Variants in KCNH1 observed in about 807,000 individuals in gnomAD.
KCNH1 encodes potassium voltage-gated channel subfamily H member 1, also known as voltage-gated delayed rectifier potassium channel KCNH1.
KCNH1 carries 27 observed loss-of-function variants against 69.2 expected under a neutral mutation model. The ratio of observed to expected loss-of-function variants is 0.39; its 90% CI spans 0.29 to 0.54. KCNH1 has a LOEUF of 0.54. KCNH1 is among the 20% of genes least tolerant of loss of function. KCNH1 has a pLI of 0.68. For synonymous variants in KCNH1, 456 were observed against 487.7 expected, an observed-to-expected ratio of 0.93 and a Z score of 0.86; for missense variants, 798 against 1,261.6, an observed-to-expected ratio of 0.63 and a Z score of 5.57.
At chr1:210,735,726 G>A (rs891143255) in intron 10 of KCNH1, among the ~76,000 whole-genome samples, 1 of 151,718 alleles carries the variant, frequency 6.6e-6, no homozygotes, top group African/African-American at 2.4e-5. Flanking sequence ...CCCCACAGTT[G>A]AGTGCACAGG....
chr1:211,032,127 A>G (rs1007156961), intron 5 of KCNH1, among the ~76,000 whole-genome samples: 7 of 152,204 alleles, frequency 4.6e-5, no homozygotes, highest in African/African-American at 1.7e-4. Flanking sequence ...ACAGACAAAC[A>G]GAGAGCCAAA....
chr1:210,871,136 C>A (rs1361714536), intron 7 of KCNH1, among the ~76,000 whole-genome samples: 1 of 152,080 alleles, frequency 6.6e-6, no homozygotes, highest in African/African-American at 2.4e-5. Context: ...GGGAGAAAAT[C>A]TTCACAACCT....
chr1:210,984,460 T>C (rs1037835979), intron 6 of KCNH1, among the ~76,000 whole-genome samples: 1 of 152,210 alleles, frequency 6.6e-6, no homozygotes, highest in African/African-American at 2.4e-5. Context: ...CAATACCTAA[T>C]TTATTGAGAG....
intron 9 of KCNH1, among the ~76,000 whole-genome samples, chr1:210,777,213 T>C (rs746909695): frequency 3.9e-5 from 6 of 152,144 alleles, no homozygotes; most frequent in Non-Finnish European, 8.8e-5. Context: ...TGACTTTACC[T>C]CAAACATCAA....
At chr1:210,859,122 G>A (rs911574652) in intron 7 of KCNH1, 6 of 1,077,640 alleles carry the variant, frequency 5.6e-6, no homozygotes, top group Admixed American at 1.7e-5. Context: ...CCACTACTAG[G>A]AGGAACACAA....
intron 5 of KCNH1, among the ~76,000 whole-genome samples, chr1:211,082,506 C>G (rs1256877359): frequency 6.6e-6 from 1 of 152,146 alleles, no homozygotes; most frequent in Non-Finnish European, 1.5e-5. Flanking sequence ...TGAAGCACTT[C>G]TAGCTCCTCA....
intron 9 of KCNH1, among the ~76,000 whole-genome samples, chr1:210,784,057 C>G (rs999340594): frequency 6.6e-6 from 1 of 152,190 alleles, no homozygotes; most frequent in African/African-American, 2.4e-5. Flanking sequence ...TAATATCACT[C>G]ACTTTCCAGC....
chr1:210,911,440 T>C (rs1687229010), intron 7 of KCNH1, among the ~76,000 whole-genome samples: 2 of 152,124 alleles, frequency 1.3e-5, no homozygotes, highest in African/African-American at 2.4e-5. Context: ...TGTGGAGATG[T>C]TGCTAACATC....
chr1:210,958,239 C>T (rs1688219582), intron 6 of KCNH1, among the ~76,000 whole-genome samples: 1 of 152,194 alleles, frequency 6.6e-6, no homozygotes, highest in Non-Finnish European at 1.5e-5. Flanking sequence ...TATTGGGCCC[C>T]ACTCTCTTCT....
chr1:211,069,705 C>T (rs74156883), intron 5 of KCNH1, among the ~76,000 whole-genome samples: 2,491 of 151,704 alleles, frequency 0.016, 69 homozygotes, highest in African/African-American at 0.057. Context: ...AAAAAAAGAC[C>T]GGAAAAAAAA....
chr1:210,942,113 C>A (rs775649116), intron 6 of KCNH1, among the ~76,000 whole-genome samples: 4 of 152,136 alleles, frequency 2.6e-5, no homozygotes, highest in Non-Finnish European at 5.9e-5. Flanking sequence ...ATATATAGTT[C>A]CAAAGTTTCT....
At chr1:210,954,297 T>C (rs904362255) in intron 6 of KCNH1, among the ~76,000 whole-genome samples, 1 of 152,220 alleles carries the variant, frequency 6.6e-6, no homozygotes, top group Non-Finnish European at 1.5e-5. Flanking sequence ...CTTAATCCAG[T>C]CTATCATTGA....
Position 210,920,078 on chromosome 1 carries a change from A to G in KCNH1, c.1033-9T>C. The G allele has an allele frequency of 6.2e-7, 1 of 1,608,878 alleles. No individual in the cohort carries two copies. The highest frequency in any genetic ancestry group is 8.5e-7 in the Non-Finnish European group (1 of 1,176,630). On this transcript the variant is annotated splice_polypyrimidine_tract_variant and intron_variant, in intron 6 of 10. Transcript: ENST00000271751. ...AACAGGCTGCTGATGCCCTGGGAGA[A>G]GAGGAACACAGCGTCAGGGCCAAAG...
chr1:211,045,064 A>ATAT (rs1490472380), intron 5 of KCNH1, among the ~76,000 whole-genome samples: 5 of 128,248 alleles, frequency 3.9e-5, no homozygotes, highest in East Asian at 2.1e-4. Context: ...ATATATGAAT[A>ATAT]ATAGAATAGT....
In KCNH1 at chr1:211,046,554, T is replaced by C. The variant is rs2102436655; in HGVS notation, c.559-27298A>G. ...TCTATGAGGTACCTACTATTATCAT[T>C]CCTATTTTATAAGAAGAAACTAAGG... On this transcript the variant is annotated intron_variant, in intron 5 of 10. Transcript: ENST00000271751. 2.6e-5 allele frequency among the ~76,000 whole-genome samples: 4 copies of C among 152,284 alleles called. No homozygotes were observed. In the Middle Eastern group the frequency reaches 0.014, roughly 518 times the overall value.
At chr1:211,020,685 C>CA (rs1002518631) in intron 5 of KCNH1, among the ~76,000 whole-genome samples, 8 of 151,698 alleles carry the variant, frequency 5.3e-5, no homozygotes, top group Non-Finnish European at 1.2e-4. Context: ...AAAGGCAAAA[C>CA]AAAAAAGAAA....
intron 10 of KCNH1, among the ~76,000 whole-genome samples, chr1:210,689,644 C>T (rs899923327): frequency 4.6e-5 from 7 of 152,214 alleles, no homozygotes; most frequent in Non-Finnish European, 7.3e-5. Context: ...AGACACACGT[C>T]CCCAGTCTGA....
rs190859850 is a variant in KCNH1 at position 210,970,289 on chromosome 1, G to A, written c.1032+48494C>T. Among the ~76,000 whole-genome samples the A allele has an allele frequency of 5.4e-3, 787 of 145,364 alleles. 7 individuals are homozygous for A. Among genetic ancestry groups the A allele is most frequent in the African/African-American group, 0.019 (740 of 39,762 alleles). The stretch of plus-strand genomic sequence containing the variant: ...TTGTCCCCCACCCCCAACAGGCCCC[G>A]GTGTATGATGGTCCCCTCCCTGTGT... On this transcript the variant is annotated intron_variant, in intron 6 of 10. Coordinates refer to ENST00000271751, the MANE Select transcript of KCNH1 (RefSeq NM_172362.3).
chr1:210,861,294 T>C (rs1685973273), intron 7 of KCNH1: 3 of 874,532 alleles, frequency 3.4e-6, no homozygotes, highest in Non-Finnish European at 5.9e-6. Context: ...CCTTGATTAA[T>C]AGAATTTAAT....
Sources: allele counts gnomAD v4.1 joint callset (sites outside exome capture counted in the v4.1 genomes callset), GRCh38; gene constraint gnomAD v4.1.1; transcripts MANE v1.5; gene names NCBI Gene and HGNC (gene_info 2026-07-23, HGNC 2026-07-21).